The following GNB4 variants were observed in gnomAD, a reference collection of about 807,000 sequenced individuals.
GNB4 encodes the protein guanine nucleotide-binding protein subunit beta-4.
Under a neutral mutation model 45.2 loss-of-function variants are expected in GNB4, and 28 were observed. The ratio of observed to expected loss-of-function variants is 0.62; its 90% CI spans 0.46 to 0.85. The LOEUF is 0.85. Ranked by LOEUF, GNB4 falls within the 40% of genes least tolerant of loss-of-function variation. The pLI is 0.00. For missense variants in GNB4, 321 were observed against 425.4 expected (o/e 0.75, Z 2.16); for synonymous variants, 132 against 143.7 (o/e 0.92, Z 0.58).
chr3:179,509,168 T>C, the GNB4 span, among the ~76,000 whole-genome samples: 5 of 146,900 alleles, frequency 3.4e-5, no homozygotes, highest in South Asian at 2.2e-4. Context: ...TATATATACA[T>C]ACACACACAC....
chr3:179,410,111 G>T (rs965986388), intron 8 of GNB4, among the ~76,000 whole-genome samples: 9 of 152,116 alleles, frequency 5.9e-5, no homozygotes, highest in Middle Eastern at 3.2e-3. Context: ...CACCATGATT[G>T]TAAGTTTCCT....
chr3:179,406,701 C>T (rs1714481150), intron 8 of GNB4, among the ~76,000 whole-genome samples: 1 of 152,170 alleles, frequency 6.6e-6, no homozygotes, highest in South Asian at 2.1e-4. Flanking sequence ...CAACTTCTGC[C>T]TCCTGGGTTC....
At chr3:179,468,035 A>AAAAAAAAAAAAAAATATATAT in the GNB4 span, among the ~76,000 whole-genome samples, 2 of 89,866 alleles carry the variant, frequency 2.2e-5, no homozygotes, top group African/African-American at 8.0e-5. Context: ...TGTTGATAAA[A>AAAAAAAAAAAAAAATATATAT]ATATATATAT....
At chr3:179,515,302 A>C in the GNB4 span, among the ~76,000 whole-genome samples, 4 of 152,220 alleles carry the variant, frequency 2.6e-5, no homozygotes, top group East Asian at 7.7e-4. Flanking sequence ...CAGATTAGGA[A>C]GCTGTCATGC....
At chr3:179,467,280 G>A in the GNB4 span, among the ~76,000 whole-genome samples, 151 of 152,242 alleles carry the variant, frequency 9.9e-4, no homozygotes, top group African/African-American at 3.3e-3. Context: ...CCCAAGTAGC[G>A]GGATTACAGG....
the GNB4 span, among the ~76,000 whole-genome samples, chr3:179,524,570 G>T: frequency 6.6e-6 from 1 of 152,162 alleles, no homozygotes; most frequent in Admixed American, 6.5e-5. Flanking sequence ...CCTGTTGTGG[G>T]GTTTGAGGGC....
Position 179,414,906 on chromosome 3 carries a change from G to A in GNB4, c.409C>T (p.Arg137Ter), listed in dbSNP as rs767993499. ...KTREGNVRVSRELPGHTGYLS... is the reference protein window; with the variant it reads ...KTREGNVRVS ...TCACCTGTGTGACCTGGCAACTCTC[G>A]GCTTACTCTCACATTTCCCTCTCTG... Residue 137 changes from arginine (R) to a stop codon, truncating the protein, a stop_gained, in exon 6 of 10, where the codon CGA becomes TGA. Coordinates refer to ENST00000232564, the MANE Select transcript of GNB4 (RefSeq NM_021629.4). LOFTEE classifies it high-confidence loss of function. The A allele has an allele frequency of 5.7e-6, 9 of 1,591,834 alleles. No homozygotes were observed. Among genetic ancestry groups the A allele is most frequent in the African/African-American group, 1.3e-5 (1 of 74,660 alleles).
chr3:179,494,147 C>T, the GNB4 span, among the ~76,000 whole-genome samples: 1 of 152,124 alleles, frequency 6.6e-6, no homozygotes. Flanking sequence ...TGATCCTTTT[C>T]CCTGGACCTG....
chr3:179,491,848 G>A, the GNB4 span, among the ~76,000 whole-genome samples: 1 of 152,202 alleles, frequency 6.6e-6, no homozygotes, highest in East Asian at 1.9e-4. Flanking sequence ...GAAATGTCAT[G>A]TTTATTCAAA....
the GNB4 span, among the ~76,000 whole-genome samples, chr3:179,457,709 G>A: frequency 2.0e-5 from 3 of 152,182 alleles, no homozygotes; most frequent in Non-Finnish European, 4.4e-5. Flanking sequence ...CTAACAAAAT[G>A]CTTGGTTCAA....
At chr3:179,465,409 C>T in the GNB4 span, 1 of 534,080 alleles carries the variant, frequency 1.9e-6, no homozygotes, top group East Asian at 4.0e-5. Flanking sequence ...GGAGACCATC[C>T]TGGCTAACAT....
At chr3:179,428,753 G>C (rs760398312) in intron 1 of GNB4, among the ~76,000 whole-genome samples, 1 of 152,142 alleles carries the variant, frequency 6.6e-6, no homozygotes, top group Non-Finnish European at 1.5e-5. Flanking sequence ...CCAAAGGCAT[G>C]AGTCGCTGAG....
the GNB4 span, among the ~76,000 whole-genome samples, chr3:179,473,927 A>C: frequency 6.6e-6 from 1 of 152,204 alleles, no homozygotes; most frequent in South Asian, 2.1e-4. Flanking sequence ...GGATGAGAAG[A>C]AAGAGGGTAG....
intron 2 of GNB4, among the ~76,000 whole-genome samples, chr3:179,421,521 T>C (rs1714979616): frequency 6.6e-6 from 1 of 152,226 alleles, no homozygotes; most frequent in African/African-American, 2.4e-5. Flanking sequence ...CCTGCTAGGC[T>C]TAAACTTTTT....
At chr3:179,489,978 C>T in the GNB4 span, among the ~76,000 whole-genome samples, 7 of 152,210 alleles carry the variant, frequency 4.6e-5, no homozygotes, top group Admixed American at 3.9e-4. Flanking sequence ...ATTTGTATGG[C>T]CATTTCTTCT....
chr3:179,407,123 A>T lies in GNB4; in HGVS notation c.700-1717T>A, dbSNP rs1267462191. The stretch of plus-strand genomic sequence containing the variant: ...AAATATATAAAACATGGTTCTAAAA[A>T]CATTGGATATCAGTCAACGAAGGAG... On this transcript the variant is annotated intron_variant, in intron 8 of 9. Transcript: ENST00000232564. Among the ~76,000 whole-genome samples the T allele has an allele frequency of 3.3e-5, 5 of 152,312 alleles. No homozygotes were observed. The East Asian group carries it at 9.6e-4, about 29-fold the overall frequency.
intron 8 of GNB4, chr3:179,405,996 A>G (rs1390956210): frequency 2.0e-5 from 3 of 152,200 alleles, no homozygotes; most frequent in East Asian, 1.9e-4. Context: ...GTTGTCTACT[A>G]AAGTCTCCTA....
chr3:179,399,093 T>A lies in GNB4; in HGVS notation c.*2120A>T, dbSNP rs1560207059. 6.6e-6 allele frequency: 1 copy of A among 152,186 alleles called. No homozygotes were observed. The highest frequency in any genetic ancestry group is 1.5e-5 in the Non-Finnish European group (1 of 68,018). 9.4% of individuals were successfully genotyped at this position (152,186 alleles called of 1,614,324 possible). A position where few individuals can be genotyped will look rare whatever the true frequency, so the allele number is the denominator to read the frequency against. Reference sequence around the variant, plus strand: ...CTACATGGCAAACTTTCCCCAACCCTCTTTTTCTGGAAATGAATACATTCC... The same window carrying A: ...CTACATGGCAAACTTTCCCCAACCCACTTTTTCTGGAAATGAATACATTCC... On this transcript the variant is annotated 3_prime_UTR_variant, in exon 10 of 10. Transcript: ENST00000232564.
chr3:179,506,333 G>A, the GNB4 span, among the ~76,000 whole-genome samples: 72 of 151,906 alleles, frequency 4.7e-4, no homozygotes, highest in African/African-American at 1.7e-3. Context: ...GTGAGACCCT[G>A]TCTCCAAAAA....
Sources: allele counts gnomAD v4.1 joint callset (sites outside exome capture counted in the v4.1 genomes callset), GRCh38; gene constraint gnomAD v4.1.1; transcripts MANE v1.5; gene names NCBI Gene and HGNC (gene_info 2026-07-23, HGNC 2026-07-21).